The following GPC5 variants were observed in gnomAD, a reference collection of about 807,000 sequenced individuals.
GPC5 encodes the protein glypican-5.
In GPC5, 47 loss-of-function variants were observed where a neutral mutation model predicts 53.9. That is an observed-to-expected ratio of 0.87 (90% CI 0.69 to 1.11). The LOEUF is 1.11. Ranked by LOEUF, GPC5 falls within the 50% of genes most tolerant of loss-of-function variation. GPC5 has a pLI of 0.00. For synonymous variants in GPC5, 286 were observed against 263.3 expected, an observed-to-expected ratio of 1.09 and a Z score of -0.84; for missense variants, 748 against 713.1, an observed-to-expected ratio of 1.05 and a Z score of -0.56.
intron 5 of GPC5, among the ~76,000 whole-genome samples, chr13:91,856,741 AT>A (rs2038971564): frequency 6.6e-6 from 1 of 151,070 alleles, no homozygotes; most frequent in Admixed American, 6.6e-5. Flanking sequence ...TTGCTGTTTT[AT>A]TTTCTTAATA....
chr13:91,543,153 G>T (rs761537265), intron 2 of GPC5, among the ~76,000 whole-genome samples: 1 of 151,742 alleles, frequency 6.6e-6, no homozygotes, highest in Admixed American at 6.6e-5. Flanking sequence ...ACCGAGCCTG[G>T]CCACTAATTT....
At chr13:92,011,289 TA>T (rs1320656994) in intron 6 of GPC5, among the ~76,000 whole-genome samples, 1 of 152,200 alleles carries the variant, frequency 6.6e-6, no homozygotes, top group Non-Finnish European at 1.5e-5. Context: ...AAATATATAC[TA>T]GTGTGTGATC....
At chr13:92,378,291 C>G (rs1566563649) in intron 7 of GPC5, among the ~76,000 whole-genome samples, 3 of 152,134 alleles carry the variant, frequency 2.0e-5, no homozygotes, top group African/African-American at 7.2e-5. Context: ...CCAACTAAAA[C>G]ATATTAAGAA....
At chr13:91,678,008 T>C (rs755395244) in intron 2 of GPC5, among the ~76,000 whole-genome samples, 1 of 152,184 alleles carries the variant, frequency 6.6e-6, no homozygotes, top group Non-Finnish European at 1.5e-5. Context: ...TTATAACCCA[T>C]TTTAGTTATC....
chr13:92,619,313 T>C (rs1172140138), intron 7 of GPC5, among the ~76,000 whole-genome samples: 2 of 152,008 alleles, frequency 1.3e-5, no homozygotes, highest in African/African-American at 4.8e-5. Context: ...ACTTCATTTT[T>C]ATTATGAAAG....
At chr13:92,162,251 T>C (rs2041995412) in intron 7 of GPC5, among the ~76,000 whole-genome samples, 1 of 152,010 alleles carries the variant, frequency 6.6e-6, no homozygotes, top group Admixed American at 6.5e-5. Context: ...TTATTTTTCG[T>C]TTGAAATGCC....
At chr13:91,600,084 C>A (rs1367458291) in intron 2 of GPC5, among the ~76,000 whole-genome samples, 6 of 152,084 alleles carry the variant, frequency 3.9e-5, no homozygotes, top group African/African-American at 1.4e-4. Flanking sequence ...CCACACCCAG[C>A]TAATTTTTTT....
At chr13:92,076,999 C>A (rs532166676) in intron 6 of GPC5, among the ~76,000 whole-genome samples, 2 of 152,274 alleles carry the variant, frequency 1.3e-5, no homozygotes, top group East Asian at 3.9e-4. Flanking sequence ...CCTGAACATG[C>A]CCTTTCCTTT....
chr13:91,539,132 A>G (rs536096284), intron 2 of GPC5, among the ~76,000 whole-genome samples: 5 of 152,288 alleles, frequency 3.3e-5, no homozygotes, highest in African/African-American at 4.8e-5. Context: ...TGCTCATTAC[A>G]TATTAGTTTT....
intron 7 of GPC5, among the ~76,000 whole-genome samples, chr13:92,171,489 T>A (rs1299584171): frequency 6.6e-6 from 1 of 152,168 alleles, no homozygotes; most frequent in African/African-American, 2.4e-5. Flanking sequence ...ATTCTGAAAT[T>A]ACTGTTCTTG....
intron 7 of GPC5, among the ~76,000 whole-genome samples, chr13:92,342,334 C>T (rs2043373920): frequency 6.6e-6 from 1 of 152,114 alleles, no homozygotes; most frequent in Non-Finnish European, 1.5e-5. Flanking sequence ...TACTGGGGGA[C>T]ATTGTTCACA....
intron 5 of GPC5, among the ~76,000 whole-genome samples, chr13:91,892,289 TA>T (rs2039395025): frequency 6.6e-6 from 1 of 151,900 alleles, no homozygotes; most frequent in South Asian, 2.1e-4. Context: ...CAACTCTTCT[TA>T]CCAAAAATAC....
Position 91,897,368 on chromosome 13 carries a change from T to TGCGC in GPC5, c.1281-10568_1281-10565dup, listed in dbSNP as rs71113773. 5.1e-3 allele frequency among the ~76,000 whole-genome samples: 759 copies of TGCGC among 149,534 alleles called. 8 individuals carry two copies. Among genetic ancestry groups the TGCGC allele is most frequent in the African/African-American group, 0.017 (689 of 40,630 alleles). On this transcript the variant is annotated intron_variant, in intron 5 of 7. Coordinates refer to ENST00000377067, the MANE Select transcript of GPC5 (RefSeq NM_004466.6). ...GTGTGTGTGTGTGTGTGTGTGTGTG[T>TGCGC]GCGCCTGTGCATGTGTATGCATTTC...
chr13:92,617,236 T>C (rs1352268994), intron 7 of GPC5, among the ~76,000 whole-genome samples: 6 of 152,294 alleles, frequency 3.9e-5, no homozygotes, highest in Non-Finnish European at 4.4e-5. Flanking sequence ...CTGTAACGTC[T>C]TCTACCTGAT....
In GPC5 at chr13:92,591,068, G is replaced by A. The variant is rs1320865210; in HGVS notation, c.1562-275214G>A. On this transcript the variant is annotated intron_variant, in intron 7 of 7. Coordinates refer to ENST00000377067, the MANE Select transcript of GPC5 (RefSeq NM_004466.6). ...GATTAAATTTTAATGCTAAAACAAT[G>A]TAAGATTATTAAAATAACTTTTCAT... 3.3e-5 allele frequency among the ~76,000 whole-genome samples: 5 copies of A among 152,128 alleles called. No individual in the cohort carries two copies. In the East Asian group the frequency reaches 9.6e-4, roughly 29 times the overall value.
rs184873149 is a variant in GPC5, at chr13:92,179,732, T to G, written c.1561+34743T>G. Among the ~76,000 whole-genome samples the G allele has an allele frequency of 4.6e-3, 707 of 152,346 alleles. 3 individuals carry two copies. Among genetic ancestry groups the G allele is most frequent in the Non-Finnish European group, 7.2e-3 (490 of 68,024 alleles). On this transcript the variant is annotated intron_variant, in intron 7 of 7. Coordinates refer to ENST00000377067, the MANE Select transcript of GPC5 (RefSeq NM_004466.6). The stretch of plus-strand genomic sequence containing the variant: ...GCCTAGTGGCTTTTTTCAGTTTCAT[T>G]ATATGCTTTTAAAACTTTGATGATT...
chr13:91,830,803 A>G (rs1283196850), intron 5 of GPC5, among the ~76,000 whole-genome samples: 1 of 132,684 alleles, frequency 7.5e-6, no homozygotes, highest in Non-Finnish European at 1.6e-5. Flanking sequence ...TTATATATAT[A>G]ATATATATCC....
intron 5 of GPC5, among the ~76,000 whole-genome samples, chr13:91,899,644 G>A (rs886688676): frequency 7.2e-5 from 11 of 152,072 alleles, no homozygotes; most frequent in African/African-American, 2.7e-4. Flanking sequence ...CTCAAGGATT[G>A]AGATGAGGTC....
At chr13:92,502,467 G>C (rs1229457533) in intron 7 of GPC5, among the ~76,000 whole-genome samples, 3 of 151,846 alleles carry the variant, frequency 2.0e-5, no homozygotes, top group Admixed American at 6.6e-5. Context: ...GCTATATGCT[G>C]TCTACAAAAA....
Sources: gnomAD v4.1 joint callset for allele counts (sites outside exome capture counted in the v4.1 genomes callset) on GRCh38, gnomAD v4.1.1 for gene constraint, MANE v1.5 for transcripts, NCBI Gene and HGNC (gene_info 2026-07-23, HGNC 2026-07-21) for gene names.